The following CSMD1 variants were observed in gnomAD, a reference collection of about 807,000 sequenced individuals.
The protein encoded by CSMD1 is CUB and Sushi multiple domains 1.
CSMD1 carries 213 observed loss-of-function variants against 417.5 expected under a neutral mutation model. The ratio of observed to expected loss-of-function variants is 0.51; its 90% CI spans 0.46 to 0.57. The LOEUF is 0.57. Among genes scored for constraint, CSMD1 ranks in the 20% least tolerant of loss-of-function variants. The probability of loss-of-function intolerance (pLI) is 0.00; values close to 1 mark genes in which losing one functional copy is unlikely to be tolerated. For missense variants in CSMD1, 6,923 were observed against 4,529.7 expected, an observed-to-expected ratio of 1.53 and a Z score of -15.17; for synonymous variants, 2,862 against 1,736.8, an observed-to-expected ratio of 1.65 and a Z score of -16.11.
chr8:4,744,966 G>C (rs1172913273), intron 1 of CSMD1, among the ~76,000 whole-genome samples: 1 of 152,002 alleles, frequency 6.6e-6, no homozygotes, highest in African/African-American at 2.4e-5. Context: ...TTTCAAATCA[G>C]ACACATTTGA....
At chr8:3,692,180 C>G (rs1171180186) in intron 7 of CSMD1, among the ~76,000 whole-genome samples, 5 of 152,206 alleles carry the variant, frequency 3.3e-5, no homozygotes, top group African/African-American at 1.2e-4. Context: ...CATTGTTTCT[C>G]CTGACTTTAC....
chr8:3,488,921 A>G, intron 11 of CSMD1, among the ~76,000 whole-genome samples: 1 of 152,238 alleles, frequency 6.6e-6, no homozygotes, highest in Non-Finnish European at 1.5e-5. Flanking sequence ...ATGTTTTCTG[A>G]TTTTTTTAAA....
intron 5 of CSMD1, among the ~76,000 whole-genome samples, chr8:3,817,437 T>C (rs1801449257): frequency 6.6e-6 from 1 of 151,732 alleles, no homozygotes. Context: ...TGCGCCAACA[T>C]TCCCAGCTCA....
At chr8:3,137,969 A>G (rs981016837) in intron 41 of CSMD1, among the ~76,000 whole-genome samples, 1 of 152,210 alleles carries the variant, frequency 6.6e-6, no homozygotes, top group African/African-American at 2.4e-5. Context: ...TCATGCCTGT[A>G]ATCCCAGCAC....
At chr8:4,915,159 G>C (rs747755429) in intron 1 of CSMD1, among the ~76,000 whole-genome samples, 4 of 152,060 alleles carry the variant, frequency 2.6e-5, no homozygotes, top group Non-Finnish European at 5.9e-5. Flanking sequence ...GCATGCTTAT[G>C]ATTATATATA....
At chr8:4,320,839 C>T (rs1009616298) in intron 3 of CSMD1, among the ~76,000 whole-genome samples, 1 of 152,114 alleles carries the variant, frequency 6.6e-6, no homozygotes, top group African/African-American at 2.4e-5. Flanking sequence ...TACTATAACC[C>T]AAAGGATTAT....
chr8:4,026,765 T>C (rs571208926), intron 4 of CSMD1, among the ~76,000 whole-genome samples: 2 of 152,368 alleles, frequency 1.3e-5, no homozygotes, highest in East Asian at 3.9e-4. Context: ...TAATGATAAC[T>C]AAAATTTAGA....
intron 3 of CSMD1, among the ~76,000 whole-genome samples, chr8:4,179,918 TC>T (rs1798260834): frequency 6.6e-6 from 1 of 152,008 alleles, no homozygotes; most frequent in African/African-American, 2.4e-5. Context: ...CATTAAAAAG[TC>T]AGGAAACAAA....
intron 18 of CSMD1, among the ~76,000 whole-genome samples, chr8:3,375,837 T>C (rs1810271723): frequency 6.6e-6 from 1 of 152,138 alleles, no homozygotes; most frequent in Non-Finnish European, 1.5e-5. Context: ...CCTTCAGTGA[T>C]TCACACCCCT....
chr8:4,913,213 G>C (rs1805820546), intron 1 of CSMD1, among the ~76,000 whole-genome samples: 1 of 152,302 alleles, frequency 6.6e-6, no homozygotes, highest in South Asian at 2.1e-4. Flanking sequence ...TAGCGTTGCT[G>C]TTAGGTACAT....
At chr8:4,621,810 T>G (rs1380744329) in intron 2 of CSMD1, among the ~76,000 whole-genome samples, 1 of 152,034 alleles carries the variant, frequency 6.6e-6, no homozygotes, top group Non-Finnish European at 1.5e-5. Context: ...AATAATATAT[T>G]TGAAAAATCT....
At chr8:4,677,313 A>C (rs1805759544) in intron 1 of CSMD1, among the ~76,000 whole-genome samples, 1 of 151,870 alleles carries the variant, frequency 6.6e-6, no homozygotes, top group Admixed American at 6.6e-5. Flanking sequence ...AGAAATTACA[A>C]TATACAATTA....
intron 33 of CSMD1, among the ~76,000 whole-genome samples, chr8:3,196,759 T>G (rs1000545833): frequency 2.0e-5 from 3 of 152,180 alleles, no homozygotes; most frequent in African/African-American, 7.2e-5. Flanking sequence ...GTCACTCATC[T>G]CAGTCTCCAT....
chr8:3,840,399 G>C (rs894324811), intron 5 of CSMD1, among the ~76,000 whole-genome samples: 1 of 152,078 alleles, frequency 6.6e-6, no homozygotes, highest in Admixed American at 6.6e-5. Context: ...GTGTAAATAA[G>C]CAAAATAGAT....
At chr8:3,720,374 C>A (rs547404861) in intron 6 of CSMD1, among the ~76,000 whole-genome samples, 1 of 152,314 alleles carries the variant, frequency 6.6e-6, no homozygotes, top group African/African-American at 2.4e-5. Context: ...TCTGCCTTTT[C>A]TATCTATGGG....
chr8:4,419,848 A>ACGACCTG, intron 3 of CSMD1, 105 bp downstream of exon 3: 1 of 768,136 alleles, frequency 1.3e-6, no homozygotes, highest in Non-Finnish European at 2.2e-6. Flanking sequence ...ACACCACGGA[A>ACGACCTG]CGACCTGCGA....
intron 1 of CSMD1, among the ~76,000 whole-genome samples, chr8:4,876,307 G>A (rs1803040653): frequency 6.6e-6 from 1 of 151,980 alleles, no homozygotes; most frequent in Non-Finnish European, 1.5e-5. Context: ...AAGGAGAGTG[G>A]TATTCATGGG....
chr8:3,032,191 A>G (rs894316148), intron 50 of CSMD1, among the ~76,000 whole-genome samples: 3 of 151,846 alleles, frequency 2.0e-5, no homozygotes, highest in African/African-American at 7.3e-5. Context: ...AAGAGTGGAG[A>G]TTTCCAGAAA....
intron 5 of CSMD1, among the ~76,000 whole-genome samples, chr8:3,770,526 C>G (rs903504247): frequency 5.9e-5 from 9 of 151,968 alleles, no homozygotes; most frequent in Admixed American, 6.6e-5. Flanking sequence ...GAGACTCCAT[C>G]TCAAAAAATA....
Sources: allele counts gnomAD v4.1 joint callset (sites outside exome capture counted in the v4.1 genomes callset), GRCh38; gene constraint gnomAD v4.1.1; transcripts MANE v1.5; gene names NCBI Gene and HGNC (gene_info 2026-07-23, HGNC 2026-07-21).